The following ERG variants were observed in gnomAD, a reference collection of about 807,000 sequenced individuals.
ERG encodes ETS transcription factor ERG, also known as transcriptional regulator ERG.
A neutral mutation model predicts 55.3 loss-of-function variants in ERG; 9 were observed. The observed-to-expected ratio is 0.16, with a 90% CI of 0.10 to 0.28. ERG has a LOEUF of 0.28. Among genes scored for constraint, ERG ranks in the 10% least tolerant of loss-of-function variants. ERG has a pLI of 1.00. For missense variants in ERG, 434 were observed against 631.6 expected (o/e 0.69, Z 3.35); for synonymous variants, 223 against 237.3 (o/e 0.94, Z 0.55).
In ERG at chr21:38,528,208, G is replaced by C. The variant is rs116286051; in HGVS notation, c.-41+47454C>G. Among the ~76,000 whole-genome samples the C allele has an allele frequency of 7.1e-3, 1,081 of 152,216 alleles. 14 individuals carry two copies. The highest frequency in any genetic ancestry group is 0.025 in the African/African-American group (1,020 of 41,526). On this transcript the variant is annotated intron_variant, in intron 2 of 8. Coordinates refer to the ERG transcript ENST00000398897. Reference sequence around the variant, plus strand: ...CTTCTCATAAGGACACCAAGCACTGGATTAGGGGCCCACCCTACTACATCT... The same window carrying C: ...CTTCTCATAAGGACACCAAGCACTGCATTAGGGGCCCACCCTACTACATCT...
At chr21:38,419,756 GCTTTT>G (rs1477420532) in intron 3 of ERG, among the ~76,000 whole-genome samples, 1 of 110,870 alleles carries the variant, frequency 9.0e-6, no homozygotes, top group Admixed American at 8.1e-5. Flanking sequence ...TTTCTTATGG[GCTTTT>G]TTTTGACACT....
At chr21:38,627,837 T>C (rs2060334041) in intron 1 of ERG, among the ~76,000 whole-genome samples, 1 of 152,252 alleles carries the variant, frequency 6.6e-6, no homozygotes. Flanking sequence ...TGGTAATTTT[T>C]TGATGTATAT....
At chr21:38,373,171 G>A in the ERG span, among the ~76,000 whole-genome samples, 1 of 152,212 alleles carries the variant, frequency 6.6e-6, no homozygotes, top group Non-Finnish European at 1.5e-5. Context: ...CTGAATTCCT[G>A]TAAGTATCCA....
chr21:38,589,767 C>A (rs981547352), upstream of ERG, among the ~76,000 whole-genome samples: 4 of 152,148 alleles, frequency 2.6e-5, no homozygotes, highest in African/African-American at 9.7e-5. Flanking sequence ...TGTGTTTCTA[C>A]CTATGGTAGG....
At chr21:38,508,308 T>G (rs1425567513) in intron 2 of ERG, among the ~76,000 whole-genome samples, 1 of 151,984 alleles carries the variant, frequency 6.6e-6, no homozygotes, top group African/African-American at 2.4e-5. Context: ...GAAGGTAAAT[T>G]TTCTCTAAGA....
chr21:38,372,678 A>C, the ERG span, among the ~76,000 whole-genome samples: 2 of 152,036 alleles, frequency 1.3e-5, no homozygotes, highest in African/African-American at 4.8e-5. Flanking sequence ...ATATTATTTT[A>C]GTCATTTAAA....
intron 2 of ERG, among the ~76,000 whole-genome samples, chr21:38,433,189 A>C (rs1277456191): frequency 1.3e-5 from 2 of 152,224 alleles, no homozygotes; most frequent in Non-Finnish European, 2.9e-5. Context: ...TGTTTTACAC[A>C]GATGATGGGC....
rs769693493 is a variant in ERG at position 38,573,830 on chromosome 21, G to A, written c.-41+1832C>T. 4.0e-4 allele frequency among the ~76,000 whole-genome samples: 61 copies of A among 152,100 alleles called. 1 individual carries two copies. The highest frequency in any genetic ancestry group is 6.6e-4 in the Non-Finnish European group (45 of 68,002). On this transcript the variant is annotated intron_variant, in intron 2 of 8. Coordinates refer to the ERG transcript ENST00000398897. The stretch of plus-strand genomic sequence containing the variant: ...GTCTTATTTCTTTTCTCAGTCTCTC[G>A]TCCCACCTGACTAGAAATACCCACA...
chr21:38,637,488 A>C (rs2060396738), intron 1 of ERG, among the ~76,000 whole-genome samples: 1 of 152,186 alleles, frequency 6.6e-6, no homozygotes, highest in Non-Finnish European at 1.5e-5. Context: ...GTCCTTGGAA[A>C]GTTACCTAAC....
Position 38,629,623 on chromosome 21 carries a change from G to A in ERG, c.-150+32035C>T, listed in dbSNP as rs191317180. Among the ~76,000 whole-genome samples the A allele has an allele frequency of 3.9e-5, 6 of 152,284 alleles. No homozygotes were observed. In the East Asian group the frequency reaches 1.2e-3, roughly 29 times the overall value. ...ATATATCAAGTGTTGTTGAGGATAT[G>A]GAGAAATTGGAACCCTTGTTCCATG... is the stretch of plus-strand genomic sequence containing the variant. On this transcript the variant is annotated intron_variant, in intron 1 of 10. Transcript: ENST00000398910.
rs2146502973 is a variant in ERG, at chr21:38,423,477, G to A, written c.321C>T (p.Tyr107=). ...PDTVGMNYGS[Y]MEEKHMPPPN... ...GGGGTGGCATGTGCTTCTCCTCCAT[G>A]TAGCTGCCGTAGTTCATCCCAACGG... The change falls in exon 3 of 10, where the codon TAC becomes TAT. Residue 107 remains tyrosine (Y), a synonymous_variant. Transcript: ENST00000288319. 6.2e-7 allele frequency: 1 copy of A among 1,614,152 alleles called. No individual in the cohort carries two copies. The highest frequency in any genetic ancestry group is 1.6e-4 in the Middle Eastern group (1 of 6,062).
chr21:38,598,515 A>C lies in ERG; in HGVS notation c.-149-13570T>G, dbSNP rs768623271. On this transcript the variant is annotated intron_variant, in intron 1 of 10. Coordinates refer to the ERG transcript ENST00000398910. ...AGCACTAATGTATCACAAATGCCACATAAGTAACTGAGTGCAAAATGGGAC... is the reference window on the plus strand; with the variant it reads ...AGCACTAATGTATCACAAATGCCACCTAAGTAACTGAGTGCAAAATGGGAC... Among the ~76,000 whole-genome samples, 58 of 152,226 alleles carry C rather than the reference A, an allele frequency of 3.8e-4. 2 individuals carry two copies. Among genetic ancestry groups the C allele is most frequent in the Non-Finnish European group, 1.0e-4 (7 of 68,050 alleles).
chr21:38,516,283 T>C (rs1008686737), intron 2 of ERG, among the ~76,000 whole-genome samples: 5 of 151,810 alleles, frequency 3.3e-5, no homozygotes, highest in African/African-American at 1.2e-4. Flanking sequence ...TCAGTAAAGT[T>C]GCAGGATACA....
intron 2 of ERG, among the ~76,000 whole-genome samples, chr21:38,432,656 T>G (rs771857212): frequency 6.6e-6 from 1 of 152,250 alleles, no homozygotes; most frequent in Non-Finnish European, 1.5e-5. Flanking sequence ...CTATTGCTGT[T>G]AGTTCATTTC....
intron 1 of ERG, among the ~76,000 whole-genome samples, chr21:38,633,561 A>T (rs934730891): frequency 2.6e-5 from 4 of 152,172 alleles, no homozygotes; most frequent in Non-Finnish European, 5.9e-5. Context: ...ATATCAGCAC[A>T]CATGAATTAT....
chr21:38,501,986 G>A (rs569660454), upstream of ERG, among the ~76,000 whole-genome samples: 41 of 152,256 alleles, frequency 2.7e-4, no homozygotes, highest in African/African-American at 9.1e-4. Context: ...TCTCATTCTT[G>A]TTCCCTTACT....
chr21:38,586,322 T>C (rs1020980120), upstream of ERG, among the ~76,000 whole-genome samples: 3 of 151,548 alleles, frequency 2.0e-5, no homozygotes, highest in Admixed American at 6.6e-5. Flanking sequence ...TGAAATCTAC[T>C]CTTAGTGATT....
chr21:38,487,147 G>GAA (rs5843911), intron 1 of ERG, among the ~76,000 whole-genome samples: 4,430 of 136,672 alleles, frequency 0.032, 169 homozygotes, highest in East Asian at 0.13. Context: ...CACTATCCTG[G>GAA]AAAAAAAAAA....
chr21:38,498,613 C>A, upstream of ERG: 1 of 789,930 alleles, frequency 1.3e-6, no homozygotes, highest in South Asian at 4.0e-5. The surrounding 1 kb of genome is among the most constrained non-coding windows in gnomAD (Gnocchi z 4.6). Context: ...TGTTGTTTTT[C>A]TTGATGATAT....
Sources: gnomAD v4.1 joint callset for allele counts (sites outside exome capture counted in the v4.1 genomes callset) on GRCh38, gnomAD v4.1.1 for gene constraint, Gnocchi (gnomAD v3.1) non-coding constraint, MANE v1.5 for transcripts, NCBI Gene and HGNC (gene_info 2026-07-23, HGNC 2026-07-21) for gene names.